The following RTTN variants were observed in gnomAD, a reference collection of about 807,000 sequenced individuals.
The protein encoded by RTTN is rotatin.
In RTTN, 182 loss-of-function variants were observed where a neutral mutation model predicts 269.2. The ratio of observed to expected loss-of-function variants is 0.68; its 90% CI spans 0.60 to 0.76. The LOEUF (loss-of-function observed/expected upper bound fraction) is 0.76, where lower values mean the gene tolerates loss of function less well. RTTN is among the 30% of genes least tolerant of loss of function. The pLI, the probability that RTTN is intolerant of heterozygous loss-of-function variation, is 0.00. For missense variants in RTTN, 2,545 were observed against 2,608.6 expected (o/e 0.98, Z 0.53); for synonymous variants, 1,006 against 963.5 (o/e 1.04, Z -0.82).
chr18:70,061,005 G>A (rs2057967943), intron 35 of RTTN, among the ~76,000 whole-genome samples: 1 of 151,762 alleles, frequency 6.6e-6, no homozygotes, highest in Non-Finnish European at 1.5e-5. Flanking sequence ...TTTGCTGACG[G>A]AACTTAGACT....
At chr18:70,182,974 C>T (rs1326491728) in intron 10 of RTTN, among the ~76,000 whole-genome samples, 2 of 152,166 alleles carry the variant, frequency 1.3e-5, no homozygotes, top group Admixed American at 6.5e-5. Context: ...CATTTAAGCT[C>T]CTAATAACTC....
chr18:70,173,350 G>A (rs192226558), intron 11 of RTTN, among the ~76,000 whole-genome samples: 6 of 151,910 alleles, frequency 3.9e-5, no homozygotes, highest in East Asian at 3.9e-4. Flanking sequence ...AAAATTAGCC[G>A]GGCATGGTGG....
At chr18:70,028,031 T>G (rs2056902109) in intron 43 of RTTN, among the ~76,000 whole-genome samples, 1 of 152,190 alleles carries the variant, frequency 6.6e-6, no homozygotes, top group Admixed American at 6.5e-5. Context: ...TTTAAAATTT[T>G]TATTTTCGTG....
At chr18:70,075,135 T>G in intron 33 of RTTN, 1 of 364,374 alleles carries the variant, frequency 2.7e-6, no homozygotes, top group Non-Finnish European at 4.8e-6. Flanking sequence ...AATACAAAAA[T>G]GTACACAAGA....
At chr18:70,074,259 G>A (rs775946484) in intron 33 of RTTN, among the ~76,000 whole-genome samples, 6 of 151,964 alleles carry the variant, frequency 3.9e-5, no homozygotes, top group Non-Finnish European at 8.8e-5. Context: ...GGTCAGAGTG[G>A]AAGCCCTGAG....
chr18:70,053,052 G>T (rs537046991), intron 38 of RTTN, among the ~76,000 whole-genome samples: 7 of 152,254 alleles, frequency 4.6e-5, no homozygotes, highest in Non-Finnish European at 7.4e-5. Flanking sequence ...ACCACCTTTT[G>T]CTATATGACC....
chr18:70,113,987 C>T (rs979564256), intron 27 of RTTN, among the ~76,000 whole-genome samples: 2 of 151,952 alleles, frequency 1.3e-5, no homozygotes, highest in African/African-American at 2.4e-5. Flanking sequence ...GCAAACATTG[C>T]GGATATACTA....
At chr18:70,137,887 AAT>A (rs1407896787) in intron 21 of RTTN, among the ~76,000 whole-genome samples, 1 of 152,182 alleles carries the variant, frequency 6.6e-6, no homozygotes, top group Admixed American at 6.6e-5. Flanking sequence ...CATGCTCACC[AAT>A]ATAACCCAAG....
At chr18:70,196,693 C>T (rs778818967) in intron 6 of RTTN, 45 bp from the exon 7 acceptor site, 8 of 1,577,624 alleles carry the variant, frequency 5.1e-6, no homozygotes, top group Non-Finnish European at 6.9e-6. Context: ...GAACAAAGAG[C>T]TCAACTTCAA....
At chr18:70,100,696 T>C (rs902612919) in intron 28 of RTTN, among the ~76,000 whole-genome samples, 3 of 152,154 alleles carry the variant, frequency 2.0e-5, no homozygotes, top group African/African-American at 2.4e-5. Flanking sequence ...CCATTCAGTA[T>C]GATATTGGCT....
In RTTN at chr18:70,176,687, G is replaced by C; in HGVS notation, c.1464C>G (p.Leu488=). ...LFAVRLLQTL[L]PVEKASEFLS... is the part of the protein sequence containing the mutation. ...TTGCCTGCCTTACCTTTTCAACAGG[G>C]AGAAGCGTTTGTAGCAGTCGAACTG... Residue 488 remains leucine (L), a synonymous_variant, in exon 11 of 49, where the codon CTC becomes CTG. Coordinates refer to ENST00000640769, the MANE Select transcript of RTTN (RefSeq NM_173630.4). The C allele has an allele frequency of 6.2e-7, 1 of 1,613,092 alleles. No individual in the cohort carries two copies. Among genetic ancestry groups the C allele is most frequent in the South Asian group, 1.1e-5 (1 of 90,792 alleles).
chr18:70,052,165 C>T (rs2057688868), intron 38 of RTTN, among the ~76,000 whole-genome samples: 2 of 152,128 alleles, frequency 1.3e-5, no homozygotes, highest in Non-Finnish European at 2.9e-5. Flanking sequence ...GGAGAGCAGT[C>T]GCTGAGGACT....
chr18:70,057,910 G>A, intron 36 of RTTN, 78 bp from the exon 37 acceptor site: 1 of 1,004,354 alleles, frequency 1.0e-6, no homozygotes, highest in Non-Finnish European at 1.5e-6. Context: ...AGAATTTGAA[G>A]TTTAAAGGTA....
chr18:70,096,909 C>T (rs1382270412), intron 28 of RTTN, among the ~76,000 whole-genome samples: 2 of 152,046 alleles, frequency 1.3e-5, no homozygotes, highest in African/African-American at 2.4e-5. Flanking sequence ...TGCCCCTTCC[C>T]CAAGGTCAAA....
intron 14 of RTTN, 58 bp from the exon 15 acceptor site, chr18:70,150,791 T>C (rs2060517725): frequency 1.5e-6 from 2 of 1,364,676 alleles, no homozygotes; most frequent in African/African-American, 2.9e-5. Flanking sequence ...TTCCAAAAGA[T>C]CCATCTTTCT....
chr18:70,191,172 C>T (rs1362196807), intron 8 of RTTN, among the ~76,000 whole-genome samples: 2 of 149,826 alleles, frequency 1.3e-5, no homozygotes, highest in African/African-American at 2.5e-5. Context: ...CCAGCCTGGG[C>T]GACAGAGCAA....
In RTTN at chr18:70,202,515, C is replaced by T. The variant is rs547038604; in HGVS notation, c.398-532G>A. On this transcript the variant is annotated intron_variant, in intron 3 of 48. Coordinates refer to ENST00000640769, the MANE Select transcript of RTTN (RefSeq NM_173630.4). ...ATTTTAAGTTTTCATGGCAATAGTT[C>T]CTAACACTAATAAAGAAAAATAACA... Among the ~76,000 whole-genome samples the T allele has an allele frequency of 9.2e-5, 14 of 152,290 alleles. No homozygotes were observed. In the South Asian group the frequency reaches 2.7e-3, roughly 29 times the overall value.
intron 28 of RTTN, among the ~76,000 whole-genome samples, chr18:70,096,689 T>C (rs7244727): frequency 0.85 from 129,443 of 152,146 alleles, 57,303 homozygotes; most frequent in East Asian, 1. Context: ...CAGAGGGGCA[T>C]TGCCAGATGC....
chr18:70,059,850 C>A lies in RTTN; in HGVS notation c.4940G>T (p.Ser1647Ile). ...CTCTCTAGGAGTATTTATCTCTTAC[C>A]TACAGAGAAGTTCTATGAGATGAGC... ...RQAHLIELLC[S>I]IADATLIQTC... The change falls in exon 36 of 49, where the codon AGC (serine) becomes ATC (isoleucine). Residue 1647 changes from serine (S) to isoleucine (I), a missense_variant and splice_region_variant. Ser to Ile is a moderately radical substitution (Grantham distance 142, BLOSUM62 -2). Coordinates refer to ENST00000640769, the MANE Select transcript of RTTN (RefSeq NM_173630.4). 6.3e-7 allele frequency: 1 copy of A among 1,591,270 alleles called. No homozygotes were observed. Among genetic ancestry groups the A allele is most frequent in the South Asian group, 1.1e-5 (1 of 87,504 alleles).
Sources: allele counts gnomAD v4.1 joint callset (sites outside exome capture counted in the v4.1 genomes callset), GRCh38; gene constraint gnomAD v4.1.1; transcripts MANE v1.5; gene names NCBI Gene and HGNC (gene_info 2026-07-23, HGNC 2026-07-21).